SAMD4A: variants seen among roughly 807,000 people sequenced by gnomAD.
The protein encoded by SAMD4A is protein Smaug homolog 1.
SAMD4A carries 33 observed loss-of-function variants against 81.3 expected under a neutral mutation model. The ratio of observed to expected loss-of-function variants is 0.41; its 90% CI spans 0.31 to 0.54. The LOEUF is 0.54. Ranked by LOEUF, SAMD4A falls within the 20% of genes least tolerant of loss-of-function variation. The pLI, the probability that SAMD4A is intolerant of heterozygous loss-of-function variation, is 0.37. For missense variants in SAMD4A, 854 were observed against 951.1 expected, an observed-to-expected ratio of 0.90 and a Z score of 1.34; for synonymous variants, 389 against 382.1, an observed-to-expected ratio of 1.02 and a Z score of -0.21.
At chr14:54,737,475 T>C (rs1241114417) in intron 4 of SAMD4A, among the ~76,000 whole-genome samples, 188 bp downstream of exon 4, 1 of 149,730 alleles carries the variant, frequency 6.7e-6, no homozygotes, top group African/African-American at 2.5e-5. Context: ...CCCCTTCCAG[T>C]GCTTCTTGCC....
chr14:54,581,624 A>C (rs1177156109), intron 2 of SAMD4A, among the ~76,000 whole-genome samples: 1 of 152,224 alleles, frequency 6.6e-6, no homozygotes, highest in East Asian at 1.9e-4. Flanking sequence ...AGCCACATAA[A>C]GTGTTGTATT....
intron 6 of SAMD4A, among the ~76,000 whole-genome samples, chr14:54,758,340 G>T (rs569580744): frequency 6.6e-6 from 1 of 152,178 alleles, no homozygotes; most frequent in African/African-American, 2.4e-5. Flanking sequence ...AAACAGGCAC[G>T]TCCAAGCCTG....
At chr14:54,724,032 G>GGAAGGAAGGAAGGAA (rs2037346524) in intron 3 of SAMD4A, among the ~76,000 whole-genome samples, 1 of 151,032 alleles carries the variant, frequency 6.6e-6, no homozygotes, top group Non-Finnish European at 1.5e-5. Context: ...AAGGAAGGAA[G>GGAAGGAAGGAAGGAA]GAAGGAAGGA....
chr14:54,767,262 G>A (rs1258919859), intron 8 of SAMD4A, among the ~76,000 whole-genome samples: 3 of 152,286 alleles, frequency 2.0e-5, no homozygotes, highest in East Asian at 3.9e-4. Flanking sequence ...AGTTTCACCC[G>A]GGCACAGAGA....
intron 2 of SAMD4A, among the ~76,000 whole-genome samples, chr14:54,688,659 A>G (rs1243234479): frequency 1.3e-5 from 2 of 152,084 alleles, no homozygotes; most frequent in Non-Finnish European, 1.5e-5. Context: ...TTGCTTATTT[A>G]TTGTTGACTT....
rs147774600 is a variant in SAMD4A at position 54,784,639 on chromosome 14, C to T, written c.2128+19C>T. On this transcript the variant is annotated intron_variant, in intron 12 of 12. Coordinates refer to ENST00000554335, the MANE Select transcript of SAMD4A (RefSeq NM_015589.6). ...CTGGGAGGTGAGTGTGTTCTTCCTG[C>T]ATGTCCCCATGTCCCTGTTACCGTG... The T allele has an allele frequency of 2.1e-3, 3,343 of 1,592,592 alleles. 9 individuals are homozygous for T. Among genetic ancestry groups the T allele is most frequent in the Non-Finnish European group, 2.7e-3 (3,178 of 1,160,496 alleles).
At chr14:54,633,010 A>C (rs1389496586) in intron 2 of SAMD4A, among the ~76,000 whole-genome samples, 1 of 152,190 alleles carries the variant, frequency 6.6e-6, no homozygotes, top group East Asian at 1.9e-4. Flanking sequence ...CACATGTACA[A>C]GTTTATATTT....
chr14:54,638,516 G>A (rs2035091130), intron 2 of SAMD4A, among the ~76,000 whole-genome samples: 1 of 152,206 alleles, frequency 6.6e-6, no homozygotes, highest in Non-Finnish European at 1.5e-5. Context: ...AAGAAAAAGA[G>A]AAGTTATGAT....
chr14:54,595,443 TA>T (rs990308335), intron 2 of SAMD4A, among the ~76,000 whole-genome samples: 27 of 148,176 alleles, frequency 1.8e-4, no homozygotes, highest in African/African-American at 6.1e-4. Flanking sequence ...TTATAATATA[TA>T]AAAAATATAT....
At chr14:54,757,780 G>C (rs1216422621) in intron 6 of SAMD4A, among the ~76,000 whole-genome samples, 1 of 152,166 alleles carries the variant, frequency 6.6e-6, no homozygotes, top group African/African-American at 2.4e-5. Context: ...AAGGAGGTCA[G>C]TGTCCCCCAC....
chr14:54,788,749 C>T (rs545685451), intron 12 of SAMD4A, among the ~76,000 whole-genome samples, 167 bp from the exon 13 acceptor site: 38 of 152,300 alleles, frequency 2.5e-4, no homozygotes, highest in African/African-American at 9.1e-4. Flanking sequence ...ATAGCTGTTC[C>T]CCAGATATCA....
At chr14:54,583,903 T>C (rs1023387854) in intron 2 of SAMD4A, among the ~76,000 whole-genome samples, 4 of 152,240 alleles carry the variant, frequency 2.6e-5, no homozygotes, top group African/African-American at 9.6e-5. Flanking sequence ...TCAAATGTAA[T>C]GCTTTTAAGA....
chr14:54,756,219 C>T (rs945706128), intron 6 of SAMD4A, among the ~76,000 whole-genome samples: 1 of 152,134 alleles, frequency 6.6e-6, no homozygotes, highest in Non-Finnish European at 1.5e-5. Context: ...AGCAAACTTC[C>T]TAAGGTAATC....
At chr14:54,585,025 C>T (rs1316313392) in intron 2 of SAMD4A, among the ~76,000 whole-genome samples, 1 of 152,142 alleles carries the variant, frequency 6.6e-6, no homozygotes, top group Non-Finnish European at 1.5e-5. Context: ...TATTTAGTGT[C>T]TTCTACCATA....
chr14:54,783,601 C>T (rs1284594650), intron 11 of SAMD4A, among the ~76,000 whole-genome samples: 2 of 152,186 alleles, frequency 1.3e-5, no homozygotes, highest in Non-Finnish European at 2.9e-5. Flanking sequence ...TAGAGGCCCT[C>T]GAGGCTGAGT....
chr14:54,725,763 G>C (rs2037398831), intron 3 of SAMD4A, among the ~76,000 whole-genome samples: 1 of 152,140 alleles, frequency 6.6e-6, no homozygotes, highest in Admixed American at 6.5e-5. Context: ...ACATAACGTA[G>C]CCTTTGTTAT....
Position 54,576,817 on chromosome 14 carries a change from T to A in SAMD4A, c.196+8705T>A, listed in dbSNP as rs549716672. On this transcript the variant is annotated intron_variant, in intron 2 of 12. Transcript: ENST00000554335. ...GTGGCTTTAGCGTGGTTTCAGTGACTGTTACAGGCCTGTCTCCAGCCACTG... is the reference window on the plus strand; with the variant it reads ...GTGGCTTTAGCGTGGTTTCAGTGACAGTTACAGGCCTGTCTCCAGCCACTG... Among the ~76,000 whole-genome samples, 3 of 152,262 alleles carry A rather than the reference T, an allele frequency of 2.0e-5. No individual in the cohort carries two copies. The East Asian group carries it at 5.8e-4, about 29-fold the overall frequency.
chr14:54,606,213 G>GTGTGTGCGTGCA lies in SAMD4A; in HGVS notation c.196+38101_196+38102insTGTGTGCGTGCA, dbSNP rs1555335555. ...TGTGTGTGTGTGTGTGTGTGTGTGT[G>GTGTGTGCGTGCA]CGTGCACGTGCACGTGCACGTGTGC... On this transcript the variant is annotated intron_variant, in intron 2 of 12. Transcript: ENST00000554335. 7.8e-3 allele frequency among the ~76,000 whole-genome samples: 1,131 copies of GTGTGTGCGTGCA among 144,368 alleles called. 8 individuals are homozygous for GTGTGTGCGTGCA. Among genetic ancestry groups the GTGTGTGCGTGCA allele is most frequent in the Non-Finnish European group, 0.011 (765 of 66,858 alleles). The allele number at this position is 144,368 out of a possible 152,430, so 94.7% of individuals were successfully genotyped here.
intron 2 of SAMD4A, among the ~76,000 whole-genome samples, chr14:54,647,947 A>G (rs1200870825): frequency 1.3e-5 from 2 of 152,356 alleles, no homozygotes; most frequent in African/African-American, 2.4e-5. Context: ...TGGGGGATAA[A>G]TGCATAAAAG....
Sources: gnomAD v4.1 joint callset for allele counts (sites outside exome capture counted in the v4.1 genomes callset) on GRCh38, gnomAD v4.1.1 for gene constraint, MANE v1.5 for transcripts, NCBI Gene and HGNC (gene_info 2026-07-23, HGNC 2026-07-21) for gene names.